CCNF: variants seen among roughly 807,000 people sequenced by gnomAD.
CCNF encodes the protein cyclin F.
Under a neutral mutation model 85.4 loss-of-function variants are expected in CCNF, and 30 were observed. The observed-to-expected ratio is 0.35, with a 90% CI of 0.26 to 0.48. The LOEUF (loss-of-function observed/expected upper bound fraction) is 0.48, where lower values mean the gene tolerates loss of function less well. Ranked by LOEUF, CCNF falls within the 20% of genes least tolerant of loss-of-function variation. The probability of loss-of-function intolerance (pLI) is 0.99; values close to 1 mark genes in which losing one functional copy is unlikely to be tolerated. For missense variants in CCNF, 919 were observed against 1,010.4 expected (o/e 0.91, Z 1.23); for synonymous variants, 439 against 425.1 (o/e 1.03, Z -0.40).
chr16:2,455,268 T>C (rs964665564), intron 15 of CCNF, 127 bp from the exon 16 acceptor site: 86 of 1,251,082 alleles, frequency 6.9e-5, no homozygotes, highest in Non-Finnish European at 8.3e-5. Flanking sequence ...ATCTTCTTCG[T>C]AGCAGAACCT....
intron 13 of CCNF, among the ~76,000 whole-genome samples, chr16:2,450,526 G>T (rs558100872): frequency 6.9e-6 from 1 of 143,948 alleles, no homozygotes; most frequent in South Asian, 2.2e-4. Flanking sequence ...AAAAAAAAAA[G>T]TTCCAGTAGT....
At position 2,453,851 on chromosome 16, in the gene CCNF, G is replaced by A. The variant is rs1050698890; in HGVS notation, c.1715+314G>A. Among the ~76,000 whole-genome samples, 1 of 152,180 alleles carries A rather than the reference G, an allele frequency of 6.6e-6. No homozygotes were observed. Among genetic ancestry groups the A allele is most frequent in the Non-Finnish European group, 1.5e-5 (1 of 68,014 alleles). On this transcript the variant is annotated intron_variant, in intron 15 of 16. Transcript: ENST00000397066. This position sits in a 1 kb window ranked among gnomAD's most constrained non-coding sequence, Gnocchi z 5.6. Reference sequence around the variant, plus strand: ...AGCCCTGCCCGTGCCTGTCATGCGCGTCCTGGACTTCTCTGCTCCATGATG... The same window carrying A: ...AGCCCTGCCCGTGCCTGTCATGCGCATCCTGGACTTCTCTGCTCCATGATG...
At chr16:2,432,641 T>A (rs1453760497) in intron 2 of CCNF, among the ~76,000 whole-genome samples, 1 of 152,158 alleles carries the variant, frequency 6.6e-6, no homozygotes, top group Non-Finnish European at 1.5e-5. Context: ...GCCTGCCCCC[T>A]TTTAGAGTGT....
chr16:2,434,519 G>A (rs1385619095), intron 3 of CCNF, among the ~76,000 whole-genome samples: 2 of 152,166 alleles, frequency 1.3e-5, no homozygotes, highest in African/African-American at 2.4e-5. Context: ...GCTGAGGCAG[G>A]AGAATTGCTT....
At position 2,457,082 on chromosome 16, in the gene CCNF, G is replaced by A; in HGVS notation, c.*62G>A. 2.4e-6 allele frequency: 3 copies of A among 1,246,062 alleles called. No homozygotes were observed. The highest frequency in any genetic ancestry group is 2.4e-5 in the Admixed American group (1 of 42,118). The allele number at this position is 1,246,062 out of a possible 1,614,324, so 77.2% of individuals were successfully genotyped here. A position where few individuals can be genotyped will look rare whatever the true frequency, so the allele number is the denominator to read the frequency against. Reference sequence around the variant, plus strand: ...AGGGGGCTGGAGGCGAAGGGTGGGAGCATAGCATAGGAACGCTGCATAGAC... The same window carrying A: ...AGGGGGCTGGAGGCGAAGGGTGGGAACATAGCATAGGAACGCTGCATAGAC... On this transcript the variant is annotated 3_prime_UTR_variant, in exon 17 of 17. Coordinates refer to ENST00000397066, the MANE Select transcript of CCNF (RefSeq NM_001761.3).
At chr16:2,441,940 TATATATATATATATA>T (rs2065323644) in intron 8 of CCNF, among the ~76,000 whole-genome samples, 7 of 25,988 alleles carry the variant, frequency 2.7e-4, no homozygotes, top group African/African-American at 9.9e-4. Flanking sequence ...TAGCAAATTA[TATATATATATATATA>T]TATATATATA....
At chr16:2,430,952 A>G in intron 1 of CCNF, 178 bp from the exon 2 acceptor site, 1 of 773,596 alleles carries the variant, frequency 1.3e-6, no homozygotes, top group Admixed American at 1.7e-5. Flanking sequence ...GTGCAATGCC[A>G]CTCCTTTACA....
chr16:2,455,392 C>T lies in CCNF; in HGVS notation c.1716-3C>T, dbSNP rs2065420936. ...GGTCTCCTGGGCTCTCTCCACCTTGCAGGAAGCGGGAGAACAGCCTCCAGG... is the reference window on the plus strand; with the variant it reads ...GGTCTCCTGGGCTCTCTCCACCTTGTAGGAAGCGGGAGAACAGCCTCCAGG... On this transcript the variant is annotated splice_polypyrimidine_tract_variant and splice_region_variant and intron_variant, in intron 15 of 16. Coordinates refer to ENST00000397066, the MANE Select transcript of CCNF (RefSeq NM_001761.3). 1 of 1,576,330 alleles carries T rather than the reference C, an allele frequency of 6.3e-7. No homozygotes were observed. Among genetic ancestry groups the T allele is most frequent in the Non-Finnish European group, 8.7e-7 (1 of 1,151,722 alleles).
At chr16:2,442,862 T>C (rs1273484425) in intron 8 of CCNF, among the ~76,000 whole-genome samples, 1 of 46,024 alleles carries the variant, frequency 2.2e-5, no homozygotes, top group Admixed American at 4.4e-4. Flanking sequence ...ATATATATTA[T>C]ATTATATATA....
rs1030848896 is a variant in CCNF, at chr16:2,451,989, T to C, written c.1488-1221T>C. On this transcript the variant is annotated intron_variant, in intron 13 of 16. Coordinates refer to ENST00000397066, the MANE Select transcript of CCNF (RefSeq NM_001761.3). The surrounding 1 kb of genome is among the most constrained non-coding windows in gnomAD (Gnocchi z 4.3). ...TCTGGCCCTGGTGGGTCGTGGTGCA[T>C]GAAGCCCTGTGTGCCCAGCTGAGGC... Among the ~76,000 whole-genome samples the C allele has an allele frequency of 3.6e-4, 55 of 152,236 alleles. No homozygotes were observed. Among genetic ancestry groups the C allele is most frequent in the African/African-American group, 1.3e-3 (53 of 41,458 alleles).
chr16:2,454,315 T>C (rs1567391335), intron 15 of CCNF, among the ~76,000 whole-genome samples: 1 of 152,312 alleles, frequency 6.6e-6, no homozygotes, highest in East Asian at 1.9e-4. Context: ...CACTTTCCAT[T>C]GTGTGGAAGG....
Position 2,452,916 on chromosome 16 carries a change from CAT to C in CCNF, c.1488-293_1488-292del. 2 of 469,202 alleles carry C rather than the reference CAT, an allele frequency of 4.3e-6. No individual in the cohort carries two copies. The highest frequency in any genetic ancestry group is 2.4e-5 in the South Asian group (1 of 42,024). The allele number at this position is 469,202 out of a possible 1,614,324, so 29.1% of individuals were successfully genotyped here. Reference sequence around the variant, plus strand: ...GAATAATATTCCCCTGCATGGACCACATGTGTTTATCCATCCCGCAGCTGGTG... The same window carrying C: ...GAATAATATTCCCCTGCATGGACCACGTGTTTATCCATCCCGCAGCTGGTG... On this transcript the variant is annotated intron_variant, in intron 13 of 16. Transcript: ENST00000397066. This position sits in a 1 kb window ranked among gnomAD's most constrained non-coding sequence, Gnocchi z 4.1.
intron 12 of CCNF, 151 bp downstream of exon 12, chr16:2,449,613 C>T: frequency 1.2e-6 from 1 of 836,740 alleles, no homozygotes; most frequent in Non-Finnish European, 1.8e-6. Flanking sequence ...AGTGATGTCC[C>T]AGATTTCTGA....
intron 16 of CCNF, 73 bp downstream of exon 16, chr16:2,455,637 C>A: frequency 6.7e-7 from 1 of 1,501,236 alleles, no homozygotes; most frequent in Non-Finnish European, 8.9e-7. Context: ...CCTCTGGGCA[C>A]CCGGCCCTGT....
intron 10 of CCNF, among the ~76,000 whole-genome samples, chr16:2,446,213 C>T (rs1226518813): frequency 6.6e-6 from 1 of 151,936 alleles, no homozygotes; most frequent in East Asian, 1.9e-4. Flanking sequence ...AGTGTGGCCT[C>T]GCTCTGGCAG....
intron 13 of CCNF, among the ~76,000 whole-genome samples, chr16:2,450,451 C>G (rs750046213): frequency 6.7e-6 from 1 of 149,968 alleles, no homozygotes; most frequent in Non-Finnish European, 1.5e-5. Context: ...GCAGAGGTTG[C>G]GGTGAGCCGA....
Position 2,438,155 on chromosome 16 carries a change from T to G in CCNF, c.594+32T>G, listed in dbSNP as rs191041595. ...CAAGTTGTTCTCTGCACTGGGACTT[T>G]GTGTTCGATACATCCCTAGCCGAGA... is the stretch of plus-strand genomic sequence containing the variant. On this transcript the variant is annotated intron_variant, in intron 6 of 16. Coordinates refer to ENST00000397066, the MANE Select transcript of CCNF (RefSeq NM_001761.3). 2,362 of 1,496,740 alleles carry G rather than the reference T, an allele frequency of 1.6e-3. 11 individuals are homozygous for G. Among genetic ancestry groups the G allele is most frequent in the Non-Finnish European group, 1.6e-3 (1,696 of 1,072,972 alleles). The allele number at this position is 1,496,740 out of a possible 1,614,324, so 92.7% of individuals were successfully genotyped here.
At chr16:2,432,180 A>G (rs1392571769) in intron 2 of CCNF, among the ~76,000 whole-genome samples, 1 of 152,204 alleles carries the variant, frequency 6.6e-6, no homozygotes, top group Non-Finnish European at 1.5e-5. Flanking sequence ...AAAATAGGAT[A>G]GTGTTTAAAA....
intron 3 of CCNF, among the ~76,000 whole-genome samples, chr16:2,435,300 G>C (rs982999415): frequency 6.6e-6 from 1 of 150,846 alleles, no homozygotes; most frequent in East Asian, 1.9e-4. Flanking sequence ...TTCTAGAGCC[G>C]GGCATGATGG....
Sources: allele counts gnomAD v4.1 joint callset (sites outside exome capture counted in the v4.1 genomes callset), GRCh38; gene constraint gnomAD v4.1.1; non-coding constraint Gnocchi (gnomAD v3.1); transcripts MANE v1.5; gene names NCBI Gene and HGNC (gene_info 2026-07-23, HGNC 2026-07-21).